CLCA4: variants seen among roughly 807,000 people sequenced by gnomAD.
CLCA4 encodes chloride channel accessory 4.
Under a neutral mutation model 78.9 loss-of-function variants are expected in CLCA4, and 69 were observed. That is an observed-to-expected ratio of 0.87 (90% CI 0.72 to 1.07). The LOEUF is 1.07. Among genes scored for constraint, CLCA4 ranks in the 50% least tolerant of loss-of-function variants. The pLI, the probability that CLCA4 is intolerant of heterozygous loss-of-function variation, is 0.00. For synonymous variants in CLCA4, 362 were observed against 375.8 expected (o/e 0.96, Z 0.42); for missense variants, 1,133 against 1,095.8 (o/e 1.03, Z -0.48).
chr1:86,562,011 T>C lies in CLCA4; in HGVS notation c.449-1650T>C, dbSNP rs376796605. Among the ~76,000 whole-genome samples, 13 of 152,306 alleles carry C rather than the reference T, an allele frequency of 8.5e-5. No individual in the cohort carries two copies. In the South Asian group the frequency reaches 1.0e-3, roughly 12 times the overall value. On this transcript the variant is annotated intron_variant, in intron 3 of 13. Coordinates refer to ENST00000370563, the MANE Select transcript of CLCA4 (RefSeq NM_012128.4). Reference sequence around the variant, plus strand: ...CCACCAACAATCACAATAGATCATTTAGATCACCTAGGCAAGCAATGCAGT... The same window carrying C: ...CCACCAACAATCACAATAGATCATTCAGATCACCTAGGCAAGCAATGCAGT...
chr1:86,553,332 C>G (rs1458746689), intron 1 of CLCA4: 13 of 628,526 alleles, frequency 2.1e-5, no homozygotes, highest in South Asian at 5.8e-5. Context: ...CTTCAGTCCT[C>G]GTGCAAACAT....
chr1:86,572,989 A>T (rs1430360077), intron 9 of CLCA4: 2 of 369,414 alleles, frequency 5.4e-6, no homozygotes, highest in South Asian at 3.0e-5. Context: ...TTATAATGTC[A>T]AATTTTTCAC....
At chr1:86,565,244 C>T in intron 4 of CLCA4, 30 bp from the exon 5 acceptor site, 2 of 1,495,086 alleles carry the variant, frequency 1.3e-6, no homozygotes, top group Non-Finnish European at 1.8e-6. Flanking sequence ...GATTCAGTTG[C>T]CTCAAAGATT....
At chr1:86,563,595 T>C in intron 3 of CLCA4, 66 bp from the exon 4 acceptor site, 1 of 752,248 alleles carries the variant, frequency 1.3e-6, no homozygotes, top group Non-Finnish European at 2.2e-6. Context: ...AAGAGAAGCT[T>C]CTTAAAATAT....
chr1:86,577,888 A>C lies in CLCA4; in HGVS notation c.1952-14A>C. On this transcript the variant is annotated splice_polypyrimidine_tract_variant and intron_variant, in intron 11 of 13. Coordinates refer to ENST00000370563, the MANE Select transcript of CLCA4 (RefSeq NM_012128.4). ...TCTCTTTACAAGACTTTATTCCTTC[A>C]TTTCTATAACAAGGCGCTGATTCTT... is the stretch of plus-strand genomic sequence containing the variant. 1 of 1,601,392 alleles carries C rather than the reference A, an allele frequency of 6.2e-7. No individual in the cohort carries two copies. The highest frequency in any genetic ancestry group is 8.5e-7 in the Non-Finnish European group (1 of 1,174,488).
chr1:86,547,460 G>T (rs1315695553), intron 1 of CLCA4, among the ~76,000 whole-genome samples, 182 bp downstream of exon 1: 1 of 152,128 alleles, frequency 6.6e-6, no homozygotes, highest in East Asian at 1.9e-4. Flanking sequence ...TTTGCATTGT[G>T]TCGGGAACAT....
chr1:86,579,907 C>T lies in CLCA4; in HGVS notation c.2357-35C>T, dbSNP rs755974948. The T allele has an allele frequency of 5.3e-6, 7 of 1,319,498 alleles. No homozygotes were observed. The East Asian group carries it at 1.6e-4, about 31-fold the overall frequency. The allele number at this position is 1,319,498 out of a possible 1,614,324, so 81.7% of individuals were successfully genotyped here. ...AAAAAGGAATGAATATGCTATGCTGCAGTCTCTAAACTACATGTAACTTTT... is the reference window on the plus strand; with the variant it reads ...AAAAAGGAATGAATATGCTATGCTGTAGTCTCTAAACTACATGTAACTTTT... On this transcript the variant is annotated intron_variant, in intron 13 of 13. Coordinates refer to ENST00000370563, the MANE Select transcript of CLCA4 (RefSeq NM_012128.4).
At chr1:86,577,462 A>G (rs1650553239) in intron 11 of CLCA4, among the ~76,000 whole-genome samples, 1 of 152,108 alleles carries the variant, frequency 6.6e-6, no homozygotes, top group Non-Finnish European at 1.5e-5. Context: ...GACTGTTGTG[A>G]GAATTAAATC....
Position 86,577,701 on chromosome 1 carries a change from A to G in CLCA4, c.1952-201A>G, listed in dbSNP as rs529735723. ...TGTGTGTGTATGTATGTTATATAGA[A>G]ATAATAGATATCGAAATAGCTCAAG... On this transcript the variant is annotated intron_variant, in intron 11 of 13. Coordinates refer to ENST00000370563, the MANE Select transcript of CLCA4 (RefSeq NM_012128.4). Among the ~76,000 whole-genome samples, 4 of 152,212 alleles carry G rather than the reference A, an allele frequency of 2.6e-5. No individual in the cohort carries two copies. In the South Asian group the frequency reaches 8.3e-4, roughly 32 times the overall value.
intron 10 of CLCA4, 42 bp downstream of exon 10, chr1:86,574,797 A>T: frequency 1.4e-6 from 2 of 1,419,370 alleles, no homozygotes; most frequent in Non-Finnish European, 2.0e-6. Context: ...CATTTTTAAA[A>T]AACTGAACAT....
At chr1:86,579,890 A>G in intron 13 of CLCA4, 52 bp from the exon 14 acceptor site, 3 of 1,154,552 alleles carry the variant, frequency 2.6e-6, no homozygotes, top group Non-Finnish European at 3.7e-6. Flanking sequence ...ATAAAAAGGA[A>G]TGAATATGCT....
At chr1:86,551,163 T>TA (rs1649650705) in intron 1 of CLCA4, among the ~76,000 whole-genome samples, 1 of 152,162 alleles carries the variant, frequency 6.6e-6, no homozygotes, top group Non-Finnish European at 1.5e-5. Flanking sequence ...ATGCAGTTTT[T>TA]ATCCAAAATG....
intron 1 of CLCA4, among the ~76,000 whole-genome samples, chr1:86,549,495 TAAG>T (rs1649595536): frequency 6.6e-6 from 1 of 152,130 alleles, no homozygotes. Flanking sequence ...ACTGCAATAT[TAAG>T]GACTGTAAAG....
At position 86,572,648 on chromosome 1, in the gene CLCA4, G is replaced by A; in HGVS notation, c.1395G>A (p.Gln465=). 1 of 1,608,596 alleles carries A rather than the reference G, an allele frequency of 6.2e-7. No homozygotes were observed. Among genetic ancestry groups the A allele is most frequent in the Non-Finnish European group, 8.5e-7 (1 of 1,175,540 alleles). The change falls in exon 9 of 14, where the codon CAG becomes CAA. Residue 465 remains glutamine, a synonymous_variant. Coordinates refer to ENST00000370563, the MANE Select transcript of CLCA4 (RefSeq NM_012128.4). ...ATTTTTATGTTTCAGATGAAGCTCA[G>A]AACAATGGCCTCATTGATGCTTTTG... ...GSHFYVSDEA[Q]NNGLIDAFGA...
rs980379921 is a variant in CLCA4 at position 86,567,626 on chromosome 1, G to A, written c.1157G>A (p.Cys386Tyr). Residue 386 changes from cysteine to tyrosine, a missense_variant, in exon 7 of 14, where the codon TGC becomes TAC. By Grantham distance (194) the Cys-to-Tyr change is radical. Transcript: ENST00000370563. ...TATCCTCTGGGAGGAACTTCCATCT[G>A]CTCTGGAATTAAATATGCATTTCAG... is the stretch of plus-strand genomic sequence containing the variant. ...PTYPLGGTSI[C>Y]SGIKYAFQVI... 1.2e-6 allele frequency: 2 copies of A among 1,611,326 alleles called. No individual in the cohort carries two copies. The highest frequency in any genetic ancestry group is 1.3e-5 in the African/African-American group (1 of 74,792).
rs769463141 is a variant in CLCA4, at chr1:86,578,068, G to A, written c.2118G>A (p.Val706=). 1.2e-6 allele frequency: 2 copies of A among 1,608,702 alleles called. No homozygotes were observed. The highest frequency in any genetic ancestry group is 1.7e-6 in the Non-Finnish European group (2 of 1,177,816). The change falls in exon 12 of 14, where the codon GTG becomes GTA. Residue 706 remains valine, a synonymous_variant. Transcript: ENST00000370563. ...NRAAYIPGWV[V]NGEIEANPPR... ...CCGCGTACATACCAGGCTGGGTAGT[G>A]AACGGTGAGTAACTCATGATATTTA...
Position 86,563,718 on chromosome 1 carries a change from A to C in CLCA4, c.506A>C (p.Asn169Thr), listed in dbSNP as rs780106406. The C allele has an allele frequency of 6.2e-7, 1 of 1,610,994 alleles. No homozygotes were observed. Among genetic ancestry groups the C allele is most frequent in the Non-Finnish European group, 8.5e-7 (1 of 1,178,172 alleles). ...CGGTGGGGAGTGTTTGATGAGTACA[A>C]TGAAGATCAGCCTTTCTACCGTGCT... ...HLRWGVFDEY[N>T]EDQPFYRAKS... Residue 169 changes from asparagine to threonine, a missense_variant, in exon 4 of 14, where the codon AAT becomes ACT. Transcript: ENST00000370563.
Position 86,575,600 on chromosome 1 carries a change from G to T in CLCA4, c.1951+1G>T. 1 of 1,610,200 alleles carries T rather than the reference G, an allele frequency of 6.2e-7. No homozygotes were observed. The highest frequency in any genetic ancestry group is 8.5e-7 in the Non-Finnish European group (1 of 1,177,572). On this transcript the variant is annotated splice_donor_variant, in intron 11 of 13. Transcript: ENST00000370563. LOFTEE classifies it high-confidence loss of function. Reference sequence around the variant, plus strand: ...TTGGAACTTTTGGATAATGGTGCAGGTAATTCACAGGTTTTTATGAATAAG... The same window carrying T: ...TTGGAACTTTTGGATAATGGTGCAGTTAATTCACAGGTTTTTATGAATAAG...
rs757881876 is a variant in CLCA4, at chr1:86,574,623, G to A, written c.1551G>A (p.Thr517=). The A allele has an allele frequency of 8.7e-6, 14 of 1,613,254 alleles. No homozygotes were observed. The South Asian group carries it at 8.8e-5, about 10-fold the overall frequency. The change falls in exon 10 of 14, where the codon ACG becomes ACA. Residue 517 remains threonine (T), a synonymous_variant. Transcript: ENST00000370563. ...TTGATAGTACAGTGGGAAAGGACAC[G>A]TTCTTTCTCATCACATGGAACAGTC... ...VIIDSTVGKD[T]FFLITWNSLP... is the part of the protein sequence containing the mutation.
Sources: allele counts gnomAD v4.1 joint callset (sites outside exome capture counted in the v4.1 genomes callset), GRCh38; gene constraint gnomAD v4.1.1; transcripts MANE v1.5; gene names NCBI Gene and HGNC (gene_info 2026-07-23, HGNC 2026-07-21).